SLK: variants seen among roughly 807,000 people sequenced by gnomAD.
SLK encodes STE20 like kinase.
A neutral mutation model predicts 147.7 loss-of-function variants in SLK; 67 were observed. The observed-to-expected ratio is 0.45, with a 90% CI of 0.37 to 0.56. SLK has a LOEUF of 0.56. Ranked by LOEUF, SLK falls within the 20% of genes least tolerant of loss-of-function variation. SLK has a pLI of 0.00. For synonymous variants in SLK, 441 were observed against 475.0 expected, an observed-to-expected ratio of 0.93 and a Z score of 0.93; for missense variants, 1,136 against 1,438.8, an observed-to-expected ratio of 0.79 and a Z score of 3.41.
chr10:103,999,940 C>G lies in SLK; in HGVS notation c.856C>G (p.Leu286Val). The G allele has an allele frequency of 6.7e-7, 1 of 1,492,126 alleles. No individual in the cohort carries two copies. The highest frequency in any genetic ancestry group is 1.2e-5 in the South Asian group (1 of 82,446). The allele number at this position is 1,492,126 out of a possible 1,614,324, so 92.4% of individuals were successfully genotyped here. A position where few individuals can be genotyped will look rare whatever the true frequency, so the allele number is the denominator to read the frequency against. The change falls in exon 7 of 19, where the codon CTG becomes GTG. Residue 286 changes from leucine (L) to valine (V), a missense_variant. By Grantham distance (32) the Leu-to-Val change is conservative. Coordinates refer to ENST00000369755, the MANE Select transcript of SLK (RefSeq NM_014720.4). ...GGATGCCAGGTGGACTACATCTCAG[C>G]TGCTGCAGGTAAGAGAGTATGACAA... ...NVDARWTTSQ[L>V]LQHPFVTVDS...
rs1589535939 is a variant in SLK, at chr10:103,999,113, T to C, written c.588-6T>C. On this transcript the variant is annotated splice_polypyrimidine_tract_variant and splice_region_variant and intron_variant, in intron 5 of 18. Transcript: ENST00000369755. ...CATGTTAACTTTTAATTATCTGTCT[T>C]CATAGGATGGCTCCTGAAGTAGTCA... The C allele has an allele frequency of 6.2e-7, 1 of 1,602,576 alleles. No individual in the cohort carries two copies. Among genetic ancestry groups the C allele is most frequent in the Non-Finnish European group, 8.5e-7 (1 of 1,174,290 alleles).
chr10:103,968,479 T>A (rs1274244608), intron 1 of SLK, among the ~76,000 whole-genome samples: 2 of 152,196 alleles, frequency 1.3e-5, no homozygotes, highest in Non-Finnish European at 2.9e-5. Context: ...TTAAATATAT[T>A]TATGGTAAGC....
At chr10:103,980,404 C>T (rs545108808) in intron 1 of SLK, among the ~76,000 whole-genome samples, 12 of 152,202 alleles carry the variant, frequency 7.9e-5, no homozygotes, top group South Asian at 2.1e-4. Flanking sequence ...TAAATACATT[C>T]GTAATGTGCA....
At chr10:104,018,124 G>A in intron 13 of SLK, 36 bp from the exon 14 acceptor site, 2 of 1,530,718 alleles carry the variant, frequency 1.3e-6, no homozygotes, top group Non-Finnish European at 1.8e-6. Context: ...TAGTTCATTA[G>A]ATACTTATTA....
At chr10:104,002,138 T>C in intron 8 of SLK, 34 bp from the exon 9 acceptor site, 14 of 1,524,230 alleles carry the variant, frequency 9.2e-6, no homozygotes, top group Non-Finnish European at 1.2e-5. Flanking sequence ...TAAGGTCATG[T>C]TTTAACACTA....
At chr10:104,019,030 C>A in intron 15 of SLK, 122 bp downstream of exon 15, 2 of 966,700 alleles carry the variant, frequency 2.1e-6, no homozygotes, top group Non-Finnish European at 3.0e-6. Flanking sequence ...TTTTATCCTA[C>A]AATTTCTTGG....
chr10:104,006,177 AT>A, intron 11 of SLK, 142 bp downstream of exon 11: 1 of 883,994 alleles, frequency 1.1e-6, no homozygotes, highest in Non-Finnish European at 1.7e-6. Context: ...TATTTCTGGC[AT>A]TTTTACCCTT....
intron 2 of SLK, among the ~76,000 whole-genome samples, chr10:103,992,376 A>G (rs1844108532): frequency 6.6e-6 from 1 of 151,950 alleles, no homozygotes. Context: ...AAACATGGCA[A>G]TTAACAAAAA....
Position 104,008,337 on chromosome 10 carries a change from T to C in SLK, c.2765T>C (p.Leu922Pro), listed in dbSNP as rs760728271. The C allele has an allele frequency of 2.5e-6, 4 of 1,608,424 alleles. No homozygotes were observed. The highest frequency in any genetic ancestry group is 1.3e-5 in the African/African-American group (1 of 74,492). ...GAGTTGTCCAAATTTCAGAATATGCTGAAGAACCGAAAGAAGGAGGTAAGT... is the reference window on the plus strand; with the variant it reads ...GAGTTGTCCAAATTTCAGAATATGCCGAAGAACCGAAAGAAGGAGGTAAGT... ...EKELSKFQNM[L>P]KNRKKEVINE... Residue 922 changes from leucine to proline, a missense_variant, in exon 12 of 19, where the codon CTG becomes CCG. Leu to Pro is a moderately conservative substitution (Grantham distance 98). Coordinates refer to ENST00000369755, the MANE Select transcript of SLK (RefSeq NM_014720.4).
In SLK at chr10:104,028,192, TCTA is replaced by T. The variant is rs573876729; in HGVS notation, c.*2475_*2477del. On this transcript the variant is annotated 3_prime_UTR_variant, in exon 19 of 19. Transcript: ENST00000369755. ...TTTGAAATCGAAGGGTACAGTCAAATCTACTGCTGATTTGGTTGTTTTGTTGCT... is the reference window on the plus strand; with the variant it reads ...TTTGAAATCGAAGGGTACAGTCAAATCTGCTGATTTGGTTGTTTTGTTGCT... 2 of 152,172 alleles carry T rather than the reference TCTA, an allele frequency of 1.3e-5. No homozygotes were observed. The highest frequency in any genetic ancestry group is 2.9e-5 in the Non-Finnish European group (2 of 68,034). 9.4% of individuals were successfully genotyped at this position (152,172 alleles called of 1,614,324 possible). A position where few individuals can be genotyped will look rare whatever the true frequency, so the allele number is the denominator to read the frequency against.
chr10:103,979,660 A>G (rs1426177881), intron 1 of SLK, among the ~76,000 whole-genome samples: 2 of 152,010 alleles, frequency 1.3e-5, no homozygotes, highest in South Asian at 2.1e-4. Context: ...TTTATTGGCC[A>G]TTTGGATTTC....
chr10:104,024,172 G>T (rs1432393388), intron 18 of SLK, among the ~76,000 whole-genome samples: 3 of 152,106 alleles, frequency 2.0e-5, no homozygotes, highest in Non-Finnish European at 4.4e-5. Flanking sequence ...AATTAATTTG[G>T]ACTCTTTTTC....
chr10:104,010,142 TA>T (rs1247495291), intron 12 of SLK, among the ~76,000 whole-genome samples: 23 of 152,334 alleles, frequency 1.5e-4, no homozygotes, highest in Admixed American at 8.5e-4. Flanking sequence ...AGAGTGCTTA[TA>T]TTACCAATTT....
Position 104,025,554 on chromosome 10 carries a change from T to C in SLK, c.3562-20T>C, listed in dbSNP as rs776446380. On this transcript the variant is annotated intron_variant, in intron 18 of 18. Coordinates refer to ENST00000369755, the MANE Select transcript of SLK (RefSeq NM_014720.4). ...TATAATACCAGCACATAGCAATTTC[T>C]TTTTCCCTTTCTTTTTAAGACACTG... 3 of 1,611,072 alleles carry C rather than the reference T, an allele frequency of 1.9e-6. No individual in the cohort carries two copies. The South Asian group carries it at 3.3e-5, about 18-fold the overall frequency.
chr10:103,996,459 C>T (rs981402667), intron 4 of SLK, among the ~76,000 whole-genome samples: 4 of 142,306 alleles, frequency 2.8e-5, no homozygotes, highest in Non-Finnish European at 6.0e-5. Context: ...ACTGCAGTGG[C>T]GCTATCTCGG....
At chr10:103,975,127 G>A (rs1843852504) in intron 1 of SLK, among the ~76,000 whole-genome samples, 1 of 151,716 alleles carries the variant, frequency 6.6e-6, no homozygotes, top group South Asian at 2.1e-4. Context: ...TAAGAGAACC[G>A]GTCTTCTCCC....
chr10:104,017,726 C>T (rs1006295931), intron 13 of SLK, among the ~76,000 whole-genome samples: 10 of 152,164 alleles, frequency 6.6e-5, no homozygotes, highest in East Asian at 1.9e-4. Flanking sequence ...GAGAACCACC[C>T]GTGTTGGCCT....
intron 1 of SLK, among the ~76,000 whole-genome samples, chr10:103,975,267 C>T (rs546220676): frequency 6.6e-6 from 1 of 152,116 alleles, no homozygotes; most frequent in Admixed American, 6.5e-5. Flanking sequence ...CCTTAAACTG[C>T]AAGTCCAAAA....
intron 13 of SLK, among the ~76,000 whole-genome samples, chr10:104,013,757 C>T (rs1406973557): frequency 6.6e-6 from 1 of 152,182 alleles, no homozygotes; most frequent in Non-Finnish European, 1.5e-5. Context: ...CCTGCCTTTT[C>T]ACATGTGCCT....
Sources: gnomAD v4.1 joint callset for allele counts (sites outside exome capture counted in the v4.1 genomes callset) on GRCh38, gnomAD v4.1.1 for gene constraint, MANE v1.5 for transcripts, NCBI Gene and HGNC (gene_info 2026-07-23, HGNC 2026-07-21) for gene names.